The following GLIS3 variants were observed in gnomAD, a reference collection of about 807,000 sequenced individuals.
GLIS3 encodes GLIS family zinc finger 3.
Under a neutral mutation model 78.6 loss-of-function variants are expected in GLIS3, and 53 were observed. That is an observed-to-expected ratio of 0.67 (90% CI 0.54 to 0.85). The LOEUF is 0.85. Among genes scored for constraint, GLIS3 ranks in the 40% least tolerant of loss-of-function variants. The pLI is 0.00. For missense variants in GLIS3, 1,703 were observed against 1,231.1 expected, an observed-to-expected ratio of 1.38 and a Z score of -5.74; for synonymous variants, 684 against 509.9, an observed-to-expected ratio of 1.34 and a Z score of -4.60.
At chr9:4,245,177 T>A (rs1823688561) in intron 2 of GLIS3, among the ~76,000 whole-genome samples, 2 of 152,186 alleles carry the variant, frequency 1.3e-5, no homozygotes. Flanking sequence ...TGAGCAACAA[T>A]CAGTCCAGAT....
intron 4 of GLIS3, among the ~76,000 whole-genome samples, chr9:4,008,331 A>T (rs56291640): frequency 6.6e-6 from 1 of 152,242 alleles, no homozygotes; most frequent in African/African-American, 2.4e-5. Context: ...AGGCTCAGAA[A>T]TATCCATCAG....
At position 4,118,199 on chromosome 9, in the gene GLIS3, G is replaced by C. The variant is rs1447250623; in HGVS notation, c.1279C>G (p.Leu427Val). Residue 427 changes from leucine (L) to valine (V), a missense_variant, in exon 4 of 11, where the codon CTG becomes GTG. Leu to Val is a conservative substitution (Grantham distance 32). Transcript: ENST00000381971. The surrounding 1 kb of genome is among the most constrained non-coding windows in gnomAD (Gnocchi z 4.7). ...TCCTCCAGGCGTTCGGTCTTGAACA[G>C]GCCGGCCGACTGGCTGTCGGGGCCC... is the stretch of plus-strand genomic sequence containing the variant. The part of the protein sequence containing the change: ...LPGPDSQSAG[L>V]FKTERLEEFP... The C allele has an allele frequency of 3.8e-6, 6 of 1,584,974 alleles. No individual in the cohort carries two copies. The highest frequency in any genetic ancestry group is 3.5e-5 in the Admixed American group (2 of 57,562).
rs375928777 is a variant in GLIS3 at position 4,118,803 on chromosome 9, C to T, written c.675G>A (p.Gln225=). 5.6e-6 allele frequency: 9 copies of T among 1,610,116 alleles called. No homozygotes were observed. In the African/African-American group the frequency reaches 1.2e-4, roughly 22 times the overall value. The change falls in exon 4 of 11, where the codon CAG becomes CAA. Residue 225 remains glutamine (Q), a synonymous_variant. Transcript: ENST00000381971. The surrounding 1 kb of genome is among the most constrained non-coding windows in gnomAD (Gnocchi z 4.7). ...GGGCCCTGTAGCCCTGGGACCACTC[C>T]TGCTTCATGCTTGAGGCCGACTGAC... ...TESQSASSMK[Q]EWSQGYRALP... is the part of the protein sequence containing the mutation.
At chr9:3,955,076 G>GGAGA (rs779849552) in intron 4 of GLIS3, among the ~76,000 whole-genome samples, 34 of 152,186 alleles carry the variant, frequency 2.2e-4, no homozygotes, top group South Asian at 2.1e-4. Context: ...GACAGGCTGG[G>GGAGA]GAGAGAGAGC....
intron 2 of GLIS3, among the ~76,000 whole-genome samples, chr9:4,222,501 C>G (rs904264022): frequency 6.6e-6 from 1 of 152,198 alleles, no homozygotes; most frequent in Non-Finnish European, 1.5e-5. Context: ...TCACTTAACA[C>G]TCACCACCTA....
the GLIS3 span, among the ~76,000 whole-genome samples, chr9:4,397,292 T>C: frequency 6.6e-6 from 1 of 151,246 alleles, no homozygotes. Context: ...CCCAAAGTGC[T>C]GGGATTACAG....
intron 4 of GLIS3, among the ~76,000 whole-genome samples, chr9:3,992,826 C>T (rs1820432133): frequency 6.6e-6 from 1 of 152,154 alleles, no homozygotes. Context: ...TCTACCATGA[C>T]CAATTCTGAT....
At chr9:3,925,790 G>A (rs906991350) in intron 6 of GLIS3, among the ~76,000 whole-genome samples, 2 of 152,184 alleles carry the variant, frequency 1.3e-5, no homozygotes, top group Non-Finnish European at 2.9e-5. Flanking sequence ...AATGTTTAAT[G>A]TTAAAAGTGT....
chr9:4,452,513 T>A, the GLIS3 span, among the ~76,000 whole-genome samples: 1 of 152,162 alleles, frequency 6.6e-6, no homozygotes, highest in Non-Finnish European at 1.5e-5. Flanking sequence ...ATCACAAGCA[T>A]TCCTATAAAC....
At chr9:4,245,214 T>C (rs1823691468) in intron 2 of GLIS3, among the ~76,000 whole-genome samples, 1 of 152,208 alleles carries the variant, frequency 6.6e-6, no homozygotes, top group Non-Finnish European at 1.5e-5. Flanking sequence ...GATTCTATTG[T>C]TTTTGTAGGT....
At chr9:4,080,330 G>A (rs975725700) in intron 4 of GLIS3, among the ~76,000 whole-genome samples, 1 of 152,162 alleles carries the variant, frequency 6.6e-6, no homozygotes, top group African/African-American at 2.4e-5. Context: ...GGTGAGGCAT[G>A]ATGTATTCCC....
intron 4 of GLIS3, among the ~76,000 whole-genome samples, chr9:4,018,954 C>A (rs753721726): frequency 6.6e-6 from 1 of 152,100 alleles, no homozygotes; most frequent in Non-Finnish European, 1.5e-5. Flanking sequence ...CTCTGTGTGC[C>A]CCCTCTGGGT....
At chr9:4,167,525 T>C (rs939339720) in intron 2 of GLIS3, among the ~76,000 whole-genome samples, 5 of 152,188 alleles carry the variant, frequency 3.3e-5, no homozygotes, top group African/African-American at 7.2e-5. Context: ...TACCCATCAG[T>C]ACATTCTCCA....
intron 4 of GLIS3, among the ~76,000 whole-genome samples, chr9:3,973,982 A>T (rs1023174491): frequency 5.3e-5 from 8 of 152,222 alleles, no homozygotes; most frequent in African/African-American, 1.9e-4. Context: ...TCTTATAAAA[A>T]AATCAAACAT....
intron 2 of GLIS3, among the ~76,000 whole-genome samples, chr9:4,144,478 A>G (rs1047789666): frequency 2.6e-5 from 4 of 152,234 alleles, no homozygotes; most frequent in Non-Finnish European, 5.9e-5. Flanking sequence ...GTCAAATGAA[A>G]ATTCAAAACC....
chr9:4,240,468 C>T (rs1265528098), intron 2 of GLIS3, among the ~76,000 whole-genome samples: 1 of 151,910 alleles, frequency 6.6e-6, no homozygotes, highest in African/African-American at 2.4e-5. Flanking sequence ...ATTGGGAACC[C>T]CTGATCTAAA....
chr9:4,448,961 G>C, the GLIS3 span, among the ~76,000 whole-genome samples: 2 of 152,188 alleles, frequency 1.3e-5, no homozygotes, highest in Non-Finnish European at 2.9e-5. Flanking sequence ...ATCTCACTGG[G>C]ACTGTTTGGA....
chr9:4,083,548 T>A (rs765887039), intron 4 of GLIS3, among the ~76,000 whole-genome samples: 18 of 152,236 alleles, frequency 1.2e-4, no homozygotes, highest in Non-Finnish European at 2.4e-4. Flanking sequence ...GAAACATTAA[T>A]TTACTTTCCA....
chr9:3,932,649 G>C, intron 5 of GLIS3, 179 bp from the exon 6 acceptor site: 1 of 575,278 alleles, frequency 1.7e-6, no homozygotes, highest in Non-Finnish European at 3.2e-6. Flanking sequence ...TCATGGTTAA[G>C]AGAAGGGTAA....
Sources: gnomAD v4.1 joint callset for allele counts (sites outside exome capture counted in the v4.1 genomes callset) on GRCh38, gnomAD v4.1.1 for gene constraint, Gnocchi (gnomAD v3.1) non-coding constraint, MANE v1.5 for transcripts, NCBI Gene and HGNC (gene_info 2026-07-23, HGNC 2026-07-21) for gene names.